The following SFMBT2 variants were observed in gnomAD, a reference collection of about 807,000 sequenced individuals.
SFMBT2 encodes scm-like with four MBT domains protein 2.
A neutral mutation model predicts 110.1 loss-of-function variants in SFMBT2; 38 were observed. The observed-to-expected ratio is 0.35, with a 90% CI of 0.27 to 0.45. The LOEUF (loss-of-function observed/expected upper bound fraction) is 0.45. Among genes scored for constraint, SFMBT2 ranks in the 20% least tolerant of loss-of-function variants. The pLI is 1.00. For synonymous variants in SFMBT2, 425 were observed against 425.4 expected (o/e 1.00, Z 0.01); for missense variants, 1,011 against 1,094.9 (o/e 0.92, Z 1.08).
chr10:7,164,789 A>C (rs554507586), intron 20 of SFMBT2, among the ~76,000 whole-genome samples: 30 of 123,610 alleles, frequency 2.4e-4, no homozygotes, highest in African/African-American at 3.9e-4. Context: ...ACACACACAC[A>C]CACCATTTAC....
intron 1 of SFMBT2, among the ~76,000 whole-genome samples, chr10:7,398,130 C>T (rs1845977531): frequency 6.6e-6 from 1 of 152,200 alleles, no homozygotes; most frequent in African/African-American, 2.4e-5. Context: ...CAGATTCATG[C>T]CTCAATACTA....
intron 8 of SFMBT2, among the ~76,000 whole-genome samples, chr10:7,247,768 C>T (rs1481564987): frequency 1.3e-5 from 2 of 152,196 alleles, no homozygotes; most frequent in Non-Finnish European, 2.9e-5. Flanking sequence ...TTAAGTTTCC[C>T]GCACCATTTG....
chr10:7,333,786 C>T (rs1293631132), intron 4 of SFMBT2, among the ~76,000 whole-genome samples: 3 of 151,722 alleles, frequency 2.0e-5, no homozygotes, highest in South Asian at 2.1e-4. Flanking sequence ...AGGGCCTCCC[C>T]GCTTTCTCTC....
Position 7,172,724 on chromosome 10 carries a change from A to G in SFMBT2, c.1985-63T>C. 6.6e-7 allele frequency: 1 copy of G among 1,513,298 alleles called. No homozygotes were observed. Among genetic ancestry groups the G allele is most frequent in the South Asian group, 1.3e-5 (1 of 79,024 alleles). 93.7% of individuals were successfully genotyped at this position (1,513,298 alleles called of 1,614,324 possible). A position where few individuals can be genotyped will look rare whatever the true frequency, so the allele number is the denominator to read the frequency against. On this transcript the variant is annotated intron_variant, in intron 17 of 20. Coordinates refer to ENST00000397167, the MANE Select transcript of SFMBT2 (RefSeq NM_001387889.1). This position sits in a 1 kb window ranked among gnomAD's most constrained non-coding sequence, Gnocchi z 4.6. ...CACACACACAGACATGAACAGAGAG[A>G]GGAGAGAGAAAGAAGGGAAACGATT...
intron 17 of SFMBT2, among the ~76,000 whole-genome samples, chr10:7,173,567 A>T (rs1837956282): frequency 6.6e-6 from 1 of 152,240 alleles, no homozygotes; most frequent in South Asian, 2.1e-4. Flanking sequence ...TACAGCAGAG[A>T]CACAGGTGTA....
At chr10:7,234,455 T>A (rs909984341) in intron 9 of SFMBT2, among the ~76,000 whole-genome samples, 4 of 152,206 alleles carry the variant, frequency 2.6e-5, no homozygotes, top group Non-Finnish European at 5.9e-5. Context: ...CATATAAATA[T>A]CAGCTGTCAA....
intron 12 of SFMBT2, chr10:7,204,333 C>T: frequency 1.0e-6 from 1 of 985,120 alleles, no homozygotes; most frequent in Non-Finnish European, 1.2e-6. Flanking sequence ...TTTCCAGCAA[C>T]GTTGTGAGAG....
At chr10:7,317,161 T>A (rs2131921653) in intron 4 of SFMBT2, among the ~76,000 whole-genome samples, 1 of 152,184 alleles carries the variant, frequency 6.6e-6, no homozygotes, top group African/African-American at 2.4e-5. Flanking sequence ...GTCCTGAGTG[T>A]GTGAGCCTAC....
At chr10:7,225,391 T>C (rs535137380) in intron 10 of SFMBT2, among the ~76,000 whole-genome samples, 30 of 152,236 alleles carry the variant, frequency 2.0e-4, no homozygotes, top group Non-Finnish European at 3.7e-4. Context: ...ACACAGGAGA[T>C]GTGTGATTAA....
intron 1 of SFMBT2, chr10:7,409,207 T>C (rs1238247584): frequency 1.3e-5 from 2 of 151,244 alleles, no homozygotes; most frequent in African/African-American, 4.9e-5. Context: ...GCGCGCCCCC[T>C]GCACACACGA....
In SFMBT2 at chr10:7,288,262, T is replaced by C. The variant is rs190861810; in HGVS notation, c.437-2308A>G. On this transcript the variant is annotated intron_variant, in intron 4 of 20. Transcript: ENST00000397167. ...CATCACACCAAGAGCAAAACCAACA[T>C]GCACGGAACTCAGGCAAACAAGGCC... Among the ~76,000 whole-genome samples the C allele has an allele frequency of 3.7e-3, 558 of 152,246 alleles. 2 individuals are homozygous for C. The highest frequency in any genetic ancestry group is 6.4e-3 in the Non-Finnish European group (438 of 68,014).
intron 8 of SFMBT2, among the ~76,000 whole-genome samples, chr10:7,244,963 A>G (rs1314442209): frequency 6.6e-6 from 1 of 152,128 alleles, no homozygotes; most frequent in Non-Finnish European, 1.5e-5. Context: ...ACCTGAAAGG[A>G]TTATGAAAAT....
At chr10:7,351,680 A>G (rs1244799770) in intron 4 of SFMBT2, among the ~76,000 whole-genome samples, 1 of 152,168 alleles carries the variant, frequency 6.6e-6, no homozygotes, top group African/African-American at 2.4e-5. Context: ...AAATTCTCTG[A>G]GCTCACAGGG....
intron 4 of SFMBT2, among the ~76,000 whole-genome samples, chr10:7,314,977 G>A (rs12769161): frequency 0.052 from 6,864 of 131,866 alleles, 247 homozygotes; most frequent in Non-Finnish European, 0.08. Context: ...AGAGAGAGAG[G>A]GAGAAAGAGA....
chr10:7,343,522 C>G (rs1376780356), intron 4 of SFMBT2, among the ~76,000 whole-genome samples: 2 of 152,074 alleles, frequency 1.3e-5, no homozygotes, highest in South Asian at 4.1e-4. Flanking sequence ...TTTAAGCATT[C>G]TCTTTTCTCC....
chr10:7,394,167 C>T (rs374220960), intron 1 of SFMBT2, among the ~76,000 whole-genome samples: 6 of 152,112 alleles, frequency 3.9e-5, no homozygotes, highest in Middle Eastern at 3.4e-3. Context: ...CTGGTAGAGA[C>T]GGGGTTTCAC....
In SFMBT2 at chr10:7,235,237, A is replaced by G. The variant is rs138624428; in HGVS notation, c.1121-7300T>C. On this transcript the variant is annotated intron_variant, in intron 9 of 20. Coordinates refer to ENST00000397167, the MANE Select transcript of SFMBT2 (RefSeq NM_001387889.1). ...AGATTAAAAAAATACCCTTGACCCT[A>G]TGAAGTTTATTTCCTAGTGGATGGA... Among the ~76,000 whole-genome samples the G allele has an allele frequency of 1.8e-3, 275 of 152,304 alleles. 7 individuals are homozygous for G. In the East Asian group the frequency reaches 0.044, roughly 24 times the overall value.
chr10:7,271,829 A>G (rs1841596034), intron 7 of SFMBT2, among the ~76,000 whole-genome samples: 1 of 151,364 alleles, frequency 6.6e-6, no homozygotes, highest in East Asian at 1.9e-4. Flanking sequence ...CTGCAGGGAA[A>G]CTCCCATTTT....
chr10:7,229,594 C>A (rs369542745), intron 9 of SFMBT2, among the ~76,000 whole-genome samples: 261 of 116,310 alleles, frequency 2.2e-3, no homozygotes, highest in Middle Eastern at 5.5e-3. Context: ...GACTCCATCT[C>A]AAAAAAAAAA....
Sources: allele counts gnomAD v4.1 joint callset (sites outside exome capture counted in the v4.1 genomes callset), GRCh38; gene constraint gnomAD v4.1.1; non-coding constraint Gnocchi (gnomAD v3.1); transcripts MANE v1.5; gene names NCBI Gene and HGNC (gene_info 2026-07-23, HGNC 2026-07-21).